Variants in SH3GL2 observed in about 807,000 individuals in gnomAD.
The protein encoded by SH3GL2 is SH3 domain containing GRB2 like 2, endophilin A1, also known as endophilin-A1.
Under a neutral mutation model 46.0 loss-of-function variants are expected in SH3GL2, and 24 were observed. The ratio of observed to expected loss-of-function variants is 0.52; its 90% CI spans 0.38 to 0.73. The LOEUF (loss-of-function observed/expected upper bound fraction) is 0.73, where lower values mean the gene tolerates loss of function less well. SH3GL2 is among the 30% of genes least tolerant of loss of function. The pLI, the probability that SH3GL2 is intolerant of heterozygous loss-of-function variation, is 0.00. For missense variants in SH3GL2, 413 were observed against 424.2 expected (o/e 0.97, Z 0.23); for synonymous variants, 196 against 147.1 (o/e 1.33, Z -2.40).
At chr9:17,682,935 G>A (rs1315589715) in intron 1 of SH3GL2, among the ~76,000 whole-genome samples, 1 of 151,906 alleles carries the variant, frequency 6.6e-6, no homozygotes, top group Non-Finnish European at 1.5e-5. Context: ...CTGCTGGGGT[G>A]TAGAAAGCTC....
In SH3GL2 at chr9:17,791,444, C is replaced by G; in HGVS notation, c.728+110C>G. On this transcript the variant is annotated intron_variant, in intron 7 of 8. Transcript: ENST00000380607. ...TGGAGACAAACGTCTGCCAAAATTCCGCTTATCCTACAGAGGCGCCTTGTG... is the reference window on the plus strand; with the variant it reads ...TGGAGACAAACGTCTGCCAAAATTCGGCTTATCCTACAGAGGCGCCTTGTG... The G allele has an allele frequency of 6.3e-6, 5 of 789,754 alleles. No individual in the cohort carries two copies. In the Admixed American group the frequency reaches 8.6e-5, roughly 14 times the overall value. 48.9% of individuals were successfully genotyped at this position (789,754 alleles called of 1,614,324 possible). A position where few individuals can be genotyped will look rare whatever the true frequency, so the allele number is the denominator to read the frequency against.
At chr9:17,600,771 A>T (rs1818655344) in intron 1 of SH3GL2, among the ~76,000 whole-genome samples, 1 of 152,202 alleles carries the variant, frequency 6.6e-6, no homozygotes, top group African/African-American at 2.4e-5. Flanking sequence ...GTGTGGGAAC[A>T]TGTTTGGTAT....
At chr9:17,759,024 G>T (rs770237222) in intron 2 of SH3GL2, among the ~76,000 whole-genome samples, 2 of 152,108 alleles carry the variant, frequency 1.3e-5, no homozygotes, top group Admixed American at 1.3e-4. Flanking sequence ...CCAAGCTAGT[G>T]GTGTCTGTTT....
intron 1 of SH3GL2, among the ~76,000 whole-genome samples, chr9:17,709,362 T>G (rs528271517): frequency 1.3e-5 from 2 of 152,010 alleles, no homozygotes; most frequent in African/African-American, 2.4e-5. Flanking sequence ...TAATCGCAGA[T>G]GTAAGAGCAT....
intron 1 of SH3GL2, among the ~76,000 whole-genome samples, chr9:17,655,965 C>G (rs1477571391): frequency 6.6e-6 from 1 of 152,148 alleles, no homozygotes; most frequent in Admixed American, 6.5e-5. Context: ...CATTTTAAGT[C>G]AAAATTAGGT....
intron 1 of SH3GL2, among the ~76,000 whole-genome samples, chr9:17,652,234 A>G (rs1819975032): frequency 6.6e-6 from 1 of 152,066 alleles, no homozygotes; most frequent in Non-Finnish European, 1.5e-5. Flanking sequence ...GCATGCCGTA[A>G]ATTTTGGCAT....
intron 2 of SH3GL2, among the ~76,000 whole-genome samples, chr9:17,758,578 A>AAAAAAAAG (rs1823075500): frequency 4.4e-5 from 6 of 135,040 alleles, no homozygotes; most frequent in African/African-American, 1.7e-4. Context: ...AAAAAAAAAA[A>AAAAAAAAG]AAAAAAAAAA....
chr9:17,704,955 A>G (rs113630501), intron 1 of SH3GL2, among the ~76,000 whole-genome samples: 2 of 152,226 alleles, frequency 1.3e-5, no homozygotes, highest in African/African-American at 2.4e-5. Context: ...CTGCACAGCA[A>G]ACAGACAATC....
At chr9:17,649,389 A>G (rs922726312) in intron 1 of SH3GL2, among the ~76,000 whole-genome samples, 2 of 152,202 alleles carry the variant, frequency 1.3e-5, no homozygotes, top group African/African-American at 4.8e-5. Flanking sequence ...TTTTAAAGGC[A>G]CAATTGAAAC....
In SH3GL2 at chr9:17,736,775, C is replaced by G. The variant is rs1822348598; in HGVS notation, c.46-10291C>G. Among the ~76,000 whole-genome samples the G allele has an allele frequency of 7.2e-5, 11 of 152,194 alleles. No homozygotes were observed. The South Asian group carries it at 2.1e-3, about 29-fold the overall frequency. On this transcript the variant is annotated intron_variant, in intron 1 of 8. Coordinates refer to ENST00000380607, the MANE Select transcript of SH3GL2 (RefSeq NM_003026.5). ...CCTTGAATGGATGGAAAAAAACTGT[C>G]CAAGTCTTTGTGCCCTGTAGCCGTC...
intron 1 of SH3GL2, among the ~76,000 whole-genome samples, chr9:17,586,599 G>A (rs1176389960): frequency 6.6e-6 from 1 of 152,124 alleles, no homozygotes; most frequent in African/African-American, 2.4e-5. Context: ...GAGGGCTCAG[G>A]AAACTTACAG....
chr9:17,630,084 T>C (rs1819384972), intron 1 of SH3GL2, among the ~76,000 whole-genome samples: 1 of 152,198 alleles, frequency 6.6e-6, no homozygotes, highest in African/African-American at 2.4e-5. Context: ...GGCCTCAGAA[T>C]CACTGCTTTT....
At chr9:17,683,836 G>C (rs1338073524) in intron 1 of SH3GL2, among the ~76,000 whole-genome samples, 1 of 152,076 alleles carries the variant, frequency 6.6e-6, no homozygotes, top group East Asian at 1.9e-4. Flanking sequence ...CTGAAGAACA[G>C]GGTGACGCCA....
chr9:17,777,011 TCTGTAAATAC>T (rs1823659273), intron 3 of SH3GL2, among the ~76,000 whole-genome samples: 1 of 152,156 alleles, frequency 6.6e-6, no homozygotes, highest in Non-Finnish European at 1.5e-5. Context: ...AAGCAGATGC[TCTGTAAATAC>T]CTGTAGACAG....
chr9:17,685,613 T>C (rs1217441632), intron 1 of SH3GL2, among the ~76,000 whole-genome samples: 2 of 152,088 alleles, frequency 1.3e-5, no homozygotes, highest in African/African-American at 2.4e-5. Context: ...CCATCTTGAA[T>C]TGATTTTTGT....
At chr9:17,686,812 T>G (rs1305428551) in intron 1 of SH3GL2, among the ~76,000 whole-genome samples, 8 of 115,730 alleles carry the variant, frequency 6.9e-5, no homozygotes, top group South Asian at 3.4e-4. Context: ...GGGGGGAGGG[T>G]TAGCACTGGG....
At chr9:17,634,892 A>G (rs746365488) in intron 1 of SH3GL2, among the ~76,000 whole-genome samples, 1 of 152,174 alleles carries the variant, frequency 6.6e-6, no homozygotes, top group Non-Finnish European at 1.5e-5. Flanking sequence ...TTCTGATGCT[A>G]TAGTGTGATG....
At chr9:17,639,852 T>C (rs539456476) in intron 1 of SH3GL2, among the ~76,000 whole-genome samples, 1 of 152,298 alleles carries the variant, frequency 6.6e-6, no homozygotes, top group East Asian at 1.9e-4. Flanking sequence ...CTTTTAAAAG[T>C]TATGCTAAGT....
intron 1 of SH3GL2, among the ~76,000 whole-genome samples, chr9:17,740,279 A>C (rs1226096032): frequency 6.6e-6 from 1 of 152,148 alleles, no homozygotes; most frequent in Non-Finnish European, 1.5e-5. Context: ...AAGCATTCCA[A>C]CTTAATGACA....
Sources: allele counts gnomAD v4.1 joint callset (sites outside exome capture counted in the v4.1 genomes callset), GRCh38; gene constraint gnomAD v4.1.1; transcripts MANE v1.5; gene names NCBI Gene and HGNC (gene_info 2026-07-23, HGNC 2026-07-21).